The following PCDH15 variants were observed in gnomAD, a reference collection of about 807,000 sequenced individuals.
PCDH15 encodes protocadherin-15.
Under a neutral mutation model 178.5 loss-of-function variants are expected in PCDH15, and 129 were observed. That is an observed-to-expected ratio of 0.72 (90% CI 0.63 to 0.84). PCDH15 has a LOEUF of 0.84. Ranked by LOEUF, PCDH15 falls within the 40% of genes least tolerant of loss-of-function variation. The probability of loss-of-function intolerance (pLI) is 0.00; values close to 1 mark genes in which losing one functional copy is unlikely to be tolerated. For synonymous variants in PCDH15, 800 were observed against 732.0 expected, an observed-to-expected ratio of 1.09 and a Z score of -1.50; for missense variants, 2,230 against 2,099.9, an observed-to-expected ratio of 1.06 and a Z score of -1.21.
At chr10:55,038,550 T>A (rs991078889) in intron 2 of PCDH15, among the ~76,000 whole-genome samples, 3 of 152,214 alleles carry the variant, frequency 2.0e-5, no homozygotes, top group African/African-American at 7.2e-5. Context: ...TTTAACTCTT[T>A]TATACGAGTC....
chr10:54,742,619 A>G (rs1257948096), intron 1 of PCDH15, among the ~76,000 whole-genome samples: 7 of 152,014 alleles, frequency 4.6e-5, no homozygotes. Flanking sequence ...AGAGTGACAC[A>G]TCCTGAGTAA....
chr10:55,360,922 T>A (rs1845211629), intron 2 of PCDH15, among the ~76,000 whole-genome samples: 1 of 151,892 alleles, frequency 6.6e-6, no homozygotes, highest in African/African-American at 2.4e-5. Flanking sequence ...TATCTCAAAC[T>A]GGAAACAACC....
At position 54,153,594 on chromosome 10, in the gene PCDH15, C is replaced by T. The variant is rs556898170; in HGVS notation, c.1591-301G>A. 2.6e-5 allele frequency among the ~76,000 whole-genome samples: 4 copies of T among 152,168 alleles called. No homozygotes were observed. In the East Asian group the frequency reaches 5.8e-4, roughly 22 times the overall value. ...TAATAAAGGGAAAAAGAGGAAAGCC[C>T]TAACAGAAAATCTAATATCCCTATA... On this transcript the variant is annotated intron_variant, in intron 13 of 37. Coordinates refer to ENST00000644397, the MANE Select transcript of PCDH15 (RefSeq NM_001384140.1).
intron 8 of PCDH15, among the ~76,000 whole-genome samples, chr10:54,265,683 T>A: frequency 6.6e-6 from 1 of 152,190 alleles, no homozygotes; most frequent in East Asian, 1.9e-4. Context: ...AAAATGTTAT[T>A]GCTTAATGAC....
At chr10:55,531,656 G>T (rs1841456572) in intron 2 of PCDH15, among the ~76,000 whole-genome samples, 1 of 151,946 alleles carries the variant, frequency 6.6e-6, no homozygotes, top group Non-Finnish European at 1.5e-5. Flanking sequence ...CCACATCTGT[G>T]GCAGTGACTA....
chr10:54,454,675 A>G (rs1391481768), intron 3 of PCDH15, among the ~76,000 whole-genome samples: 1 of 152,148 alleles, frequency 6.6e-6, no homozygotes, highest in African/African-American at 2.4e-5. Flanking sequence ...TGCTGAAATG[A>G]AACCATTTTG....
chr10:54,732,603 T>A (rs1226050203), intron 1 of PCDH15, among the ~76,000 whole-genome samples: 2 of 151,502 alleles, frequency 1.3e-5, no homozygotes, highest in Non-Finnish European at 3.0e-5. Context: ...GGAATTCCAC[T>A]AAATGCTGAA....
intron 26 of PCDH15, among the ~76,000 whole-genome samples, chr10:53,888,304 A>ATATATATATATACATATATATATATG (rs1554845195): frequency 1.1e-5 from 1 of 88,976 alleles, no homozygotes; most frequent in Non-Finnish European, 2.0e-5. Flanking sequence ...ATATATATAT[A>ATATATATATATACATATATATATATG]TATATGTATA....
At chr10:55,395,168 C>CGTGTGTGTGT (rs35472682) in intron 2 of PCDH15, among the ~76,000 whole-genome samples, 7 of 127,986 alleles carry the variant, frequency 5.5e-5, no homozygotes, top group African/African-American at 1.9e-4. Flanking sequence ...TATTTAACTG[C>CGTGTGTGTGT]GTGTGTGTGT....
intron 1 of PCDH15, among the ~76,000 whole-genome samples, chr10:55,235,697 A>G (rs1841361046): frequency 6.6e-6 from 1 of 152,008 alleles, no homozygotes; most frequent in Non-Finnish European, 1.5e-5. Context: ...ACCTGAGGTC[A>G]AAAGTTCCAG....
intron 2 of PCDH15, among the ~76,000 whole-genome samples, chr10:55,547,910 TGAGAGAGAGA>T (rs763752387): frequency 7.7e-4 from 42 of 54,528 alleles, no homozygotes; most frequent in East Asian, 2.8e-3. Context: ...TGTGTGTGTG[TGAGAGAGAGA>T]GAGAGAGAGA....
In PCDH15 at chr10:54,138,237, G is replaced by C. The variant is rs78343151; in HGVS notation, c.1785-5230C>G. ...TATGAACACTCTTGGGGGCTTGTTT[G>C]TAATTGTGAGGTGTGTGTGTGTGTG... On this transcript the variant is annotated intron_variant, in intron 14 of 37. Coordinates refer to ENST00000644397, the MANE Select transcript of PCDH15 (RefSeq NM_001384140.1). Among the ~76,000 whole-genome samples the C allele has an allele frequency of 5.0e-3, 764 of 152,142 alleles. 3 individuals are homozygous for C. The highest frequency in any genetic ancestry group is 0.017 in the African/African-American group (709 of 41,518).
chr10:55,243,261 A>G (rs1283392726), intron 1 of PCDH15, among the ~76,000 whole-genome samples: 1 of 152,226 alleles, frequency 6.6e-6, no homozygotes, highest in Non-Finnish European at 1.5e-5. Flanking sequence ...AATGAACAAG[A>G]GTAGAACTGC....
chr10:55,475,681 G>C (rs1047765331), intron 2 of PCDH15, among the ~76,000 whole-genome samples: 2 of 152,048 alleles, frequency 1.3e-5, no homozygotes, highest in African/African-American at 2.4e-5. Flanking sequence ...AATGAATTTC[G>C]TGTTTAAACT....
At position 54,774,702 on chromosome 10, in the gene PCDH15, C is replaced by A. The variant is rs552829870; in HGVS notation, c.-29+26223G>T. ...AGGGACCATTATTTTCATTTAAATTCCAGTAGTAGGTAAAACCTAAATGTC... is the reference window on the plus strand; with the variant it reads ...AGGGACCATTATTTTCATTTAAATTACAGTAGTAGGTAAAACCTAAATGTC... On this transcript the variant is annotated intron_variant, in intron 1 of 37. Coordinates refer to ENST00000644397, the MANE Select transcript of PCDH15 (RefSeq NM_001384140.1). 2.6e-5 allele frequency among the ~76,000 whole-genome samples: 4 copies of A among 152,196 alleles called. No individual in the cohort carries two copies. The East Asian group carries it at 5.8e-4, about 22-fold the overall frequency.
intron 7 of PCDH15, among the ~76,000 whole-genome samples, chr10:54,318,340 C>A (rs2061402789): frequency 6.6e-6 from 1 of 152,144 alleles, no homozygotes; most frequent in Non-Finnish European, 1.5e-5. Flanking sequence ...TTCCCCCACA[C>A]CCAAGTCCAC....
chr10:54,827,886 T>G (rs560947206), intron 3 of PCDH15, among the ~76,000 whole-genome samples: 1 of 152,218 alleles, frequency 6.6e-6, no homozygotes, highest in African/African-American at 2.4e-5. Flanking sequence ...AAATAAGTTT[T>G]TATATGAATC....
intron 2 of PCDH15, among the ~76,000 whole-genome samples, chr10:55,510,597 T>C (rs1005764307): frequency 1.3e-5 from 2 of 151,976 alleles, no homozygotes; most frequent in African/African-American, 4.8e-5. Flanking sequence ...ATTCAGGTGT[T>C]TCCTTGTTTG....
chr10:54,146,939 A>G (rs916921757), intron 14 of PCDH15, among the ~76,000 whole-genome samples: 7 of 142,164 alleles, frequency 4.9e-5, no homozygotes, highest in South Asian at 2.1e-4. Context: ...TATATAATGT[A>G]TATATATAGT....
Sources: gnomAD v4.1 joint callset for allele counts (sites outside exome capture counted in the v4.1 genomes callset) on GRCh38, gnomAD v4.1.1 for gene constraint, MANE v1.5 for transcripts, NCBI Gene and HGNC (gene_info 2026-07-23, HGNC 2026-07-21) for gene names.